PIGK: variants seen among roughly 807,000 people sequenced by gnomAD.
PIGK encodes the protein phosphatidylinositol glycan anchor biosynthesis class K.
In PIGK, 42 loss-of-function variants were observed where a neutral mutation model predicts 50.6. The observed-to-expected ratio is 0.83, with a 90% CI of 0.65 to 1.07. The LOEUF (loss-of-function observed/expected upper bound fraction) is 1.07, where lower values mean the gene tolerates loss of function less well. Ranked by LOEUF, PIGK falls within the 50% of genes least tolerant of loss-of-function variation. The probability of loss-of-function intolerance (pLI) is 0.00; values close to 1 mark genes in which losing one functional copy is unlikely to be tolerated. For synonymous variants in PIGK, 151 were observed against 156.0 expected (o/e 0.97, Z 0.24); for missense variants, 448 against 488.7 (o/e 0.92, Z 0.78).
intron 3 of PIGK, among the ~76,000 whole-genome samples, chr1:77,201,822 C>A (rs1043772951): frequency 1.3e-5 from 2 of 152,002 alleles, no homozygotes; most frequent in Non-Finnish European, 2.9e-5. Flanking sequence ...TTTGGGAGGT[C>A]AAGGTGGGAG....
intron 10 of PIGK, among the ~76,000 whole-genome samples, chr1:77,095,052 T>C (rs1173813487): frequency 6.6e-6 from 1 of 152,198 alleles, no homozygotes; most frequent in Non-Finnish European, 1.5e-5. Context: ...TCAAAACTGC[T>C]CTTTGCAGTT....
chr1:77,096,707 T>A (rs1653412113), intron 10 of PIGK, among the ~76,000 whole-genome samples: 1 of 152,176 alleles, frequency 6.6e-6, no homozygotes, highest in Non-Finnish European at 1.5e-5. Flanking sequence ...AATTGTGAGC[T>A]AAATAAATGA....
chr1:77,135,740 T>C (rs1012169217), intron 9 of PIGK, among the ~76,000 whole-genome samples: 4 of 151,718 alleles, frequency 2.6e-5, no homozygotes, highest in Non-Finnish European at 5.9e-5. Flanking sequence ...GTAAACTGCA[T>C]ACTTTCCTCA....
intron 4 of PIGK, 151 bp from the exon 5 acceptor site, chr1:77,166,981 A>G: frequency 3.5e-6 from 2 of 570,984 alleles, no homozygotes; most frequent in East Asian, 3.1e-5. Context: ...ATATAACTCA[A>G]TTAAAATATA....
intron 3 of PIGK, among the ~76,000 whole-genome samples, chr1:77,201,440 A>T (rs1656162860): frequency 6.6e-6 from 1 of 152,212 alleles, no homozygotes; most frequent in Admixed American, 6.5e-5. Context: ...TAGATCCCTC[A>T]AGAATAAGTT....
At chr1:77,155,772 T>C (rs548777128) in intron 8 of PIGK, among the ~76,000 whole-genome samples, 1 of 152,292 alleles carries the variant, frequency 6.6e-6, no homozygotes, top group South Asian at 2.1e-4. Context: ...GCACAGCACC[T>C]ATCCACCTGT....
At chr1:77,206,862 A>G (rs1334782772) in intron 2 of PIGK, 131 bp from the exon 3 acceptor site, 10 of 551,412 alleles carry the variant, frequency 1.8e-5, no homozygotes, top group Non-Finnish European at 2.9e-5. Context: ...TTAAAACAGC[A>G]AACACAAAAA....
chr1:77,164,155 T>C (rs1146674), intron 5 of PIGK, among the ~76,000 whole-genome samples: 53,184 of 152,122 alleles, frequency 0.35, 10,123 homozygotes, highest in East Asian at 0.44. Context: ...ATATCTTTAA[T>C]AGGGTTTCTA....
chr1:77,101,941 C>A (rs1215728386), intron 10 of PIGK, among the ~76,000 whole-genome samples: 1 of 152,100 alleles, frequency 6.6e-6, no homozygotes, highest in Non-Finnish European at 1.5e-5. Context: ...GAGGCGGAGG[C>A]TGCAGTGAGC....
Position 77,161,297 on chromosome 1 carries a change from G to T in PIGK, c.811C>A (p.Leu271Ile), listed in dbSNP as rs1655122140. 1 of 1,421,288 alleles carries T rather than the reference G, an allele frequency of 7.0e-7. No homozygotes were observed. The highest frequency in any genetic ancestry group is 1.1e-5 in the South Asian group (1 of 86,962). The allele number at this position is 1,421,288 out of a possible 1,614,324, so 88.0% of individuals were successfully genotyped here. Residue 271 changes from leucine (L) to isoleucine (I), a missense_variant and splice_region_variant, in exon 8 of 11, where the codon CTT (leucine) becomes ATT (isoleucine). Transcript: ENST00000370812. Reference protein sequence around the residue: ...NPASQTNMNDLFQVCPKSLCV... With the variant: ...NPASQTNMNDIFQVCPKSLCV... ...AATCAAATCAAGTGAATACTTACAA[G>T]GTCATTCATATTAGTTTGGCTAGCT...
chr1:77,174,839 C>T (rs567929828), intron 3 of PIGK, among the ~76,000 whole-genome samples: 2 of 152,072 alleles, frequency 1.3e-5, no homozygotes, highest in East Asian at 3.9e-4. Flanking sequence ...CCTGTTCCTC[C>T]AAGGACTCCA....
At chr1:77,092,574 A>T in intron 10 of PIGK, 84 bp from the exon 11 acceptor site, 1 of 785,746 alleles carries the variant, frequency 1.3e-6, no homozygotes, top group Non-Finnish European at 2.2e-6. Flanking sequence ...GAAAAAGATA[A>T]ATTTCACTGG....
intron 1 of PIGK, among the ~76,000 whole-genome samples, chr1:77,211,092 G>C (rs1362430623): frequency 2.0e-5 from 3 of 151,684 alleles, no homozygotes; most frequent in African/African-American, 7.3e-5. Flanking sequence ...TTTTTCTACT[G>C]TGTTTATCAT....
chr1:77,135,642 CA>C (rs1654491350), intron 9 of PIGK, among the ~76,000 whole-genome samples: 1 of 151,942 alleles, frequency 6.6e-6, no homozygotes, highest in African/African-American at 2.4e-5. Flanking sequence ...ACTGCCTTCT[CA>C]TTGATTTTTT....
chr1:77,154,755 C>A (rs1407474764), intron 8 of PIGK, 134 bp from the exon 9 acceptor site: 4 of 623,474 alleles, frequency 6.4e-6, no homozygotes, highest in Non-Finnish European at 1.1e-5. Flanking sequence ...GTTCTAAAGA[C>A]CTTAAAGATT....
At chr1:77,146,162 C>T (rs963387892) in intron 9 of PIGK, among the ~76,000 whole-genome samples, 2 of 151,868 alleles carry the variant, frequency 1.3e-5, no homozygotes, top group African/African-American at 2.4e-5. Context: ...AACCTTAACC[C>T]CTACCTCACA....
rs541181134 is a variant in PIGK at position 77,131,658 on chromosome 1, A to C, written c.987-9299T>G. ...ATGTTTTTTCTGTATCTACTGAAAT[A>C]ATTACAAAATATTTCTCATTTAATG... is the stretch of plus-strand genomic sequence containing the variant. On this transcript the variant is annotated intron_variant, in intron 9 of 10. Transcript: ENST00000370812. Among the ~76,000 whole-genome samples the C allele has an allele frequency of 1.8e-4, 28 of 152,248 alleles. No individual in the cohort carries two copies. The South Asian group carries it at 2.3e-3, about 12-fold the overall frequency.
chr1:77,130,796 A>G (rs534971010), intron 9 of PIGK, among the ~76,000 whole-genome samples: 27 of 152,304 alleles, frequency 1.8e-4, no homozygotes, highest in African/African-American at 6.3e-4. Context: ...TTAAGAGAGC[A>G]TACCTGGAGT....
At chr1:77,144,656 C>T (rs896633254) in intron 9 of PIGK, among the ~76,000 whole-genome samples, 6 of 151,830 alleles carry the variant, frequency 4.0e-5, no homozygotes, top group African/African-American at 4.8e-5. Context: ...ACTCAATAGA[C>T]GCTTTTGTTA....
Sources: allele counts gnomAD v4.1 joint callset (sites outside exome capture counted in the v4.1 genomes callset), GRCh38; gene constraint gnomAD v4.1.1; transcripts MANE v1.5; gene names NCBI Gene and HGNC (gene_info 2026-07-23, HGNC 2026-07-21).